The following CSMD1 variants were observed in gnomAD, a reference collection of about 807,000 sequenced individuals.
CSMD1 encodes the protein CUB and Sushi multiple domains 1.
CSMD1 carries 213 observed loss-of-function variants against 417.5 expected under a neutral mutation model. The ratio of observed to expected loss-of-function variants is 0.51; its 90% CI spans 0.46 to 0.57. The LOEUF is 0.57. CSMD1 is among the 20% of genes least tolerant of loss of function. The pLI is 0.00. For missense variants in CSMD1, 6,923 were observed against 4,529.7 expected, an observed-to-expected ratio of 1.53 and a Z score of -15.17; for synonymous variants, 2,862 against 1,736.8, an observed-to-expected ratio of 1.65 and a Z score of -16.11.
intron 5 of CSMD1, among the ~76,000 whole-genome samples, chr8:3,824,316 G>T (rs1015365864): frequency 1.3e-5 from 2 of 151,946 alleles, no homozygotes; most frequent in African/African-American, 4.8e-5. Context: ...CAACAGCCTA[G>T]GAATACTGAG....
At chr8:3,218,030 T>C (rs773735909) in intron 29 of CSMD1, among the ~76,000 whole-genome samples, 1 of 152,236 alleles carries the variant, frequency 6.6e-6, no homozygotes, top group Non-Finnish European at 1.5e-5. Context: ...TGAAAAAACA[T>C]ATATTTATTC....
rs10626735 is a variant in CSMD1 at position 4,906,576 on chromosome 8, C to CT, written c.85+87755dup. ...AAGGTAGCTATTACATTTTGAGTTG[C>CT]TTTTTTTTCCCCCACTTTGTCGACC... On this transcript the variant is annotated intron_variant, in intron 1 of 69. Transcript: ENST00000635120. Among the ~76,000 whole-genome samples the CT allele has an allele frequency of 8.6e-4, 130 of 151,142 alleles. 1 individual carries two copies. Among genetic ancestry groups the CT allele is most frequent in the Admixed American group, 2.7e-3 (41 of 15,228 alleles).
chr8:4,149,649 A>G (rs191309261), intron 3 of CSMD1, among the ~76,000 whole-genome samples: 20 of 152,348 alleles, frequency 1.3e-4, no homozygotes, highest in Admixed American at 6.5e-4. Flanking sequence ...CAACACCTAC[A>G]GAATGGAGGA....
intron 12 of CSMD1, among the ~76,000 whole-genome samples, chr8:3,441,908 T>G (rs773875994): frequency 1.4e-4 from 21 of 151,960 alleles, no homozygotes; most frequent in Non-Finnish European, 2.4e-4. Flanking sequence ...GAAGAAGGCA[T>G]TGAGATCACT....
intron 3 of CSMD1, among the ~76,000 whole-genome samples, chr8:4,341,707 A>C (rs774484071): frequency 7.9e-5 from 12 of 152,164 alleles, no homozygotes; most frequent in Admixed American, 2.6e-4. Context: ...ACCTAAGATT[A>C]GTCAATATGT....
intron 5 of CSMD1, among the ~76,000 whole-genome samples, chr8:3,903,090 G>A (rs939308756): frequency 6.6e-6 from 1 of 152,150 alleles, no homozygotes; most frequent in East Asian, 1.9e-4. Flanking sequence ...TATTGCTGCT[G>A]CTTGTCTGCT....
chr8:4,522,313 A>T (rs1563253117), intron 2 of CSMD1, among the ~76,000 whole-genome samples: 1 of 152,174 alleles, frequency 6.6e-6, no homozygotes, highest in African/African-American at 2.4e-5. Context: ...CTCCCCAGCC[A>T]TGTGGAACTG....
At chr8:3,248,522 C>T (rs946321486) in intron 26 of CSMD1, among the ~76,000 whole-genome samples, 4 of 71,404 alleles carry the variant, frequency 5.6e-5, no homozygotes, top group Admixed American at 5.4e-4. Flanking sequence ...CAATTCCCTC[C>T]CTTTTTTTTT....
chr8:4,252,562 A>T (rs573473654), intron 3 of CSMD1, among the ~76,000 whole-genome samples: 116 of 152,336 alleles, frequency 7.6e-4, no homozygotes, highest in Non-Finnish European at 1.4e-3. Context: ...TATGACAGAA[A>T]CTGCTACTTA....
At chr8:4,803,110 G>A (rs1001785959) in intron 1 of CSMD1, among the ~76,000 whole-genome samples, 1 of 152,092 alleles carries the variant, frequency 6.6e-6, no homozygotes, top group African/African-American at 2.4e-5. Flanking sequence ...TTATTTAAAA[G>A]ATCATGTATA....
At chr8:2,995,338 AG>A (rs1404038993) in intron 54 of CSMD1, among the ~76,000 whole-genome samples, 1 of 152,238 alleles carries the variant, frequency 6.6e-6, no homozygotes. Context: ...TGAACACCAC[AG>A]AAAGCTATCA....
chr8:3,809,037 T>C (rs922701108), intron 5 of CSMD1, among the ~76,000 whole-genome samples: 1 of 152,128 alleles, frequency 6.6e-6, no homozygotes, highest in Non-Finnish European at 1.5e-5. Flanking sequence ...CATGAAGAGA[T>C]ACACTTAGCT....
intron 3 of CSMD1, among the ~76,000 whole-genome samples, chr8:4,169,069 C>A (rs962912086): frequency 6.6e-6 from 1 of 152,190 alleles, no homozygotes; most frequent in Non-Finnish European, 1.5e-5. Flanking sequence ...GGATGTTTCT[C>A]CCTACCTGTA....
chr8:3,070,824 C>T (rs1370449831), intron 49 of CSMD1, among the ~76,000 whole-genome samples: 1 of 152,152 alleles, frequency 6.6e-6, no homozygotes, highest in Non-Finnish European at 1.5e-5. Flanking sequence ...TAGCAATGTC[C>T]CACTCCTTGG....
intron 52 of CSMD1, among the ~76,000 whole-genome samples, chr8:3,003,994 C>A (rs2128957767): frequency 6.6e-6 from 1 of 152,312 alleles, no homozygotes; most frequent in South Asian, 2.1e-4. Flanking sequence ...GTCAGCCCCA[C>A]TGCGTGACTC....
intron 1 of CSMD1, among the ~76,000 whole-genome samples, chr8:4,923,880 C>T (rs149715262): frequency 8.0e-4 from 122 of 152,268 alleles, no homozygotes; most frequent in African/African-American, 2.8e-3. Flanking sequence ...TAGGCAGTAT[C>T]CAAACTTTAT....
chr8:4,652,942 T>C (rs903683644), intron 1 of CSMD1, among the ~76,000 whole-genome samples: 2 of 151,422 alleles, frequency 1.3e-5, no homozygotes, highest in East Asian at 1.9e-4. Context: ...ATGTGAGTGA[T>C]AGGGAGTGGC....
rs775892572 is a variant in CSMD1, at chr8:3,409,568, G to A, written c.1599C>T (p.Pro533=). Residue 533 remains proline (P), a synonymous_variant, in exon 13 of 70, where the codon CCC becomes CCT. Transcript: ENST00000635120. The part of the protein sequence containing the change: ...EKGGCGDPGI[P]AYGKRTGSSF... Reference sequence around the variant, plus strand: ...TGCTGCCCGTCCGCTTCCCATAGGCGGGGATTCCAGGATCCCCACACCCTC... The same window carrying A: ...TGCTGCCCGTCCGCTTCCCATAGGCAGGGATTCCAGGATCCCCACACCCTC... The A allele has an allele frequency of 3.4e-5, 55 of 1,607,728 alleles. No homozygotes were observed. Among genetic ancestry groups the A allele is most frequent in the South Asian group, 3.3e-4 (30 of 89,726 alleles).
intron 3 of CSMD1, among the ~76,000 whole-genome samples, chr8:4,352,137 C>A (rs1005648127): frequency 3.3e-5 from 5 of 152,028 alleles, no homozygotes; most frequent in African/African-American, 1.2e-4. Context: ...GCCTGTGGCC[C>A]CAACTCAGAA....
Sources: allele counts gnomAD v4.1 joint callset (sites outside exome capture counted in the v4.1 genomes callset), GRCh38; gene constraint gnomAD v4.1.1; transcripts MANE v1.5; gene names NCBI Gene and HGNC (gene_info 2026-07-23, HGNC 2026-07-21).